DCAF8L2: variants seen among roughly 807,000 people sequenced by gnomAD.
The protein encoded by DCAF8L2 is DDB1 and CUL4 associated factor 8 like 2.
For synonymous variants in DCAF8L2, 200 were observed against 190.9 expected (o/e 1.05, Z -0.39); for missense variants, 430 against 490.7 (o/e 0.88, Z 1.17).
the DCAF8L2 span, among the ~76,000 whole-genome samples, chrX:27,527,155 A>T: frequency 1.8e-5 from 2 of 112,059 alleles, no homozygotes; most frequent in Middle Eastern, 4.7e-3. Flanking sequence ...GGCCTCCTTG[A>T]GCTGTGGTGG....
Position 27,747,190 on chromosome X carries a change from A to C in DCAF8L2, c.295A>C (p.Ser99Arg), listed in dbSNP as rs1922227577. 3 of 1,165,033 alleles carry C rather than the reference A, an allele frequency of 2.6e-6. No homozygotes were observed. In the East Asian group the frequency reaches 9.8e-5, roughly 38 times the overall value. Residue 99 changes from serine to arginine, a missense_variant, in exon 5 of 5, where the codon AGT (serine) becomes CGT (arginine). Physicochemically the swap from Ser to Arg is moderately radical, Grantham distance 110 (BLOSUM62 -1). Transcript: ENST00000451261. ...TGAGCATTTCCTCATGAGTGGTGAA[A>C]GTTTATTCCATTACCCTTTAGTGGG... ...DFEHFLMSGESLFHYPLVGEE... is the reference protein window; with the variant it reads ...DFEHFLMSGERLFHYPLVGEE...
chrX:27,654,396 A>C (rs1929270580), intron 2 of DCAF8L2, among the ~76,000 whole-genome samples: 1 of 112,460 alleles, frequency 8.9e-6, no homozygotes, highest in South Asian at 3.6e-4. Context: ...TCATTTTTAT[A>C]GATAGAGAGG....
the DCAF8L2 span, among the ~76,000 whole-genome samples, chrX:27,530,718 C>T: frequency 1.9e-4 from 21 of 111,841 alleles, no homozygotes; most frequent in African/African-American, 5.8e-4. Context: ...TCCTGCTGTC[C>T]GCCTTACAGG....
At chrX:27,689,340 G>A (rs779905297) in intron 3 of DCAF8L2, among the ~76,000 whole-genome samples, 118 of 112,140 alleles carry the variant, frequency 1.1e-3, no homozygotes, top group South Asian at 2.2e-3. Context: ...CGCCTCCCAG[G>A]TTCAAGTGAT....
intron 1 of DCAF8L2, among the ~76,000 whole-genome samples, chrX:27,614,199 GA>G (rs1252295869): frequency 3.6e-5 from 4 of 110,388 alleles, no homozygotes; most frequent in African/African-American, 9.9e-5. Context: ...ATGTGTCCAG[GA>G]ATTTATCCAT....
rs537159281 is a variant in DCAF8L2, at chrX:27,625,094, C to T, written c.-341-6785C>T. ...TGAGAGAAAAAATTTGCAAACTATG[C>T]GTCAAACAAAGGTCTAATATCCAGA... On this transcript the variant is annotated intron_variant, in intron 1 of 4. Transcript: ENST00000451261. 6.3e-5 allele frequency among the ~76,000 whole-genome samples: 7 copies of T among 111,541 alleles called. No individual in the cohort carries two copies. In the East Asian group the frequency reaches 1.1e-3, roughly 18 times the overall value.
the DCAF8L2 span, among the ~76,000 whole-genome samples, chrX:27,557,146 A>C: frequency 1.8e-5 from 2 of 112,312 alleles, no homozygotes; most frequent in Non-Finnish European, 3.8e-5. Flanking sequence ...GGAGTAGAAA[A>C]TAATTGAAAC....
At chrX:27,627,485 A>C (rs1928065833) in intron 1 of DCAF8L2, 1 of 107,622 alleles carries the variant, frequency 9.3e-6, no homozygotes, top group African/African-American at 3.4e-5. Context: ...ACACCTCCCA[A>C]AGTTTTGTTG....
the DCAF8L2 span, among the ~76,000 whole-genome samples, chrX:27,567,546 C>CATATATATATATAT: frequency 1.0e-4 from 3 of 29,624 alleles, 1 homozygote; most frequent in Non-Finnish European, 1.8e-4. Flanking sequence ...ACCACTGTAG[C>CATATATATATATAT]ATATATATAT....
At chrX:27,570,573 C>T in the DCAF8L2 span, among the ~76,000 whole-genome samples, 1 of 111,786 alleles carries the variant, frequency 8.9e-6, no homozygotes. Context: ...TACTGGAGAG[C>T]ATTTGTGAAG....
chrX:27,680,324 G>GA (rs932139141), intron 3 of DCAF8L2, among the ~76,000 whole-genome samples: 2 of 110,614 alleles, frequency 1.8e-5, no homozygotes, highest in African/African-American at 3.3e-5. Flanking sequence ...AGCTGAGTTA[G>GA]AAAAAAAAGA....
At chrX:27,715,559 C>G (rs188928017) in intron 3 of DCAF8L2, among the ~76,000 whole-genome samples, 16 of 111,347 alleles carry the variant, frequency 1.4e-4, no homozygotes, top group Admixed American at 1.4e-3. Context: ...AAATAGAAAT[C>G]AGTAATACCC....
intron 2 of DCAF8L2, among the ~76,000 whole-genome samples, chrX:27,648,861 A>G (rs1182355549): frequency 8.9e-6 from 1 of 111,743 alleles, no homozygotes; most frequent in Non-Finnish European, 1.9e-5. Flanking sequence ...TATTTCATAC[A>G]TCTTTGTCCT....
chrX:27,680,467 C>G (rs1227840613), intron 3 of DCAF8L2, among the ~76,000 whole-genome samples: 1 of 112,092 alleles, frequency 8.9e-6, no homozygotes. Context: ...TCCTTTTGCA[C>G]AAAGTTAGAA....
the DCAF8L2 span, among the ~76,000 whole-genome samples, chrX:27,490,063 G>A: frequency 2.7e-4 from 30 of 110,929 alleles, no homozygotes; most frequent in Non-Finnish European, 4.9e-4. Context: ...TTTTTGTAGA[G>A]AGGGGGTCTC....
chrX:27,684,210 C>A (rs1159292851), intron 3 of DCAF8L2, among the ~76,000 whole-genome samples: 1 of 111,604 alleles, frequency 9.0e-6, no homozygotes, highest in Admixed American at 9.6e-5. Flanking sequence ...GAAGAAGTGA[C>A]AGCAAACATG....
chrX:27,725,492 T>C (rs1198529298), intron 4 of DCAF8L2, among the ~76,000 whole-genome samples: 2 of 110,697 alleles, frequency 1.8e-5, no homozygotes, highest in African/African-American at 3.3e-5. Context: ...GATAATAAAT[T>C]TGACCTGCTG....
At chrX:27,727,859 A>G (rs958670341) in intron 4 of DCAF8L2, among the ~76,000 whole-genome samples, 1 of 111,270 alleles carries the variant, frequency 9.0e-6, no homozygotes, top group Non-Finnish European at 1.9e-5. Context: ...GTTTTCTGTG[A>G]CGAGATTTTG....
chrX:27,583,619 G>A, the DCAF8L2 span, among the ~76,000 whole-genome samples: 1 of 111,469 alleles, frequency 9.0e-6, no homozygotes, highest in Non-Finnish European at 1.9e-5. Flanking sequence ...CTGCACAGCA[G>A]GAGGTGAGCG....
Sources: gnomAD v4.1 joint callset for allele counts (sites outside exome capture counted in the v4.1 genomes callset) on GRCh38, gnomAD v4.1.1 for gene constraint, MANE v1.5 for transcripts, NCBI Gene and HGNC (gene_info 2026-07-23, HGNC 2026-07-21) for gene names.